Variants in WDR26 observed in about 807,000 individuals in gnomAD.
The protein encoded by WDR26 is WD repeat domain 26.
WDR26 carries 5 observed loss-of-function variants against 84.1 expected under a neutral mutation model. The observed-to-expected ratio is 0.06, with a 90% CI of 0.03 to 0.13. WDR26 has a LOEUF of 0.13. WDR26 is among the 10% of genes least tolerant of loss of function. The pLI, the probability that WDR26 is intolerant of heterozygous loss-of-function variation, is 1.00. For missense variants in WDR26, 642 were observed against 974.9 expected (o/e 0.66, Z 4.55); for synonymous variants, 415 against 389.6 (o/e 1.07, Z -0.77).
intron 6 of WDR26, among the ~76,000 whole-genome samples, chr1:224,416,522 A>C (rs978241969): frequency 8.5e-5 from 13 of 152,150 alleles, no homozygotes; most frequent in African/African-American, 3.1e-4. Context: ...CACCACACCC[A>C]GCCTGGACTG....
At chr1:224,419,222 G>C (rs1461321279) in intron 5 of WDR26, among the ~76,000 whole-genome samples, 1 of 152,052 alleles carries the variant, frequency 6.6e-6, no homozygotes, top group Non-Finnish European at 1.5e-5. Context: ...TTAAAACTGT[G>C]GTTTACATAT....
intron 3 of WDR26, 143 bp downstream of exon 3, chr1:224,431,334 C>T: frequency 1.5e-6 from 1 of 668,416 alleles, no homozygotes; most frequent in East Asian, 2.8e-5. Flanking sequence ...TACTTTAAAA[C>T]ATTATACTCA....
intron 3 of WDR26, chr1:224,430,492 A>G (rs1469011571): frequency 6.6e-6 from 1 of 152,158 alleles, no homozygotes; most frequent in Non-Finnish European, 1.5e-5. Context: ...ACTCTTTTGT[A>G]ATAAGATTTC....
intron 3 of WDR26, among the ~76,000 whole-genome samples, chr1:224,428,007 A>G (rs1357095501): frequency 2.0e-5 from 3 of 152,094 alleles, no homozygotes; most frequent in South Asian, 2.1e-4. Flanking sequence ...TCTTTCCCCA[A>G]CTCCCAACTA....
chr1:224,407,170 A>ATATATATATATATG (rs1421408562), intron 7 of WDR26, among the ~76,000 whole-genome samples: 3 of 116,962 alleles, frequency 2.6e-5, no homozygotes, highest in Admixed American at 9.1e-5. Flanking sequence ...ATATATATAT[A>ATATATATATATATG]TAACTCAAAA....
chr1:224,391,602 C>T (rs1450328481), intron 13 of WDR26, among the ~76,000 whole-genome samples: 5 of 152,150 alleles, frequency 3.3e-5, no homozygotes, highest in Admixed American at 1.3e-4. Context: ...TCATAGCTCA[C>T]TGAAGCCTCA....
intron 3 of WDR26, among the ~76,000 whole-genome samples, chr1:224,426,259 C>T (rs1332820869): frequency 6.6e-6 from 1 of 152,136 alleles, no homozygotes; most frequent in African/African-American, 2.4e-5. Flanking sequence ...ATAAACTGCT[C>T]TACAAGATTT....
chr1:224,400,027 T>C (rs1156312577), intron 9 of WDR26, among the ~76,000 whole-genome samples: 1 of 152,152 alleles, frequency 6.6e-6, no homozygotes, highest in Non-Finnish European at 1.5e-5. Context: ...TGTGAGTCTG[T>C]AATATGAGAC....
At chr1:224,404,659 C>A in intron 7 of WDR26, 89 bp from the exon 8 acceptor site, 1 of 1,462,674 alleles carries the variant, frequency 6.8e-7, no homozygotes, top group Non-Finnish European at 9.2e-7. Context: ...CAAAGATGTA[C>A]TTTGATAATT....
chr1:224,419,424 GT>G (rs1673993250), intron 5 of WDR26, 93 bp downstream of exon 5: 1 of 955,626 alleles, frequency 1.0e-6, no homozygotes, highest in African/African-American at 1.6e-5. Context: ...ATAAAAGTAT[GT>G]CCAGATATTC....
intron 7 of WDR26, among the ~76,000 whole-genome samples, chr1:224,410,210 G>C (rs995649416): frequency 6.7e-6 from 1 of 150,018 alleles, no homozygotes; most frequent in Admixed American, 6.7e-5. Context: ...GAACCCAGGA[G>C]GTGGAGGTTG....
intron 7 of WDR26, among the ~76,000 whole-genome samples, chr1:224,410,199 T>C (rs1673695250): frequency 1.3e-5 from 2 of 148,676 alleles, no homozygotes; most frequent in African/African-American, 5.0e-5. Context: ...GAGAATCCCT[T>C]GAACCCAGGA....
intron 3 of WDR26, chr1:224,424,869 T>C (rs888236464): frequency 8.2e-6 from 5 of 607,892 alleles, no homozygotes; most frequent in Non-Finnish European, 1.4e-5. Flanking sequence ...AACTCTGCTT[T>C]GAACAAATAA....
intron 9 of WDR26, among the ~76,000 whole-genome samples, chr1:224,399,836 G>A (rs988956648): frequency 6.6e-6 from 1 of 152,154 alleles, no homozygotes; most frequent in African/African-American, 2.4e-5. Flanking sequence ...GTCGGGTGTG[G>A]TAGCTCATGC....
rs890563235 is a variant in WDR26, at chr1:224,389,711, G to A, written c.*124C>T. ...TTGGCCCCAATCGGGCTTCAGAAAT[G>A]GTTCTTTTTTCATGACGAGCATGTC... On this transcript the variant is annotated 3_prime_UTR_variant, in exon 14 of 14. Transcript: ENST00000414423. 1.9e-6 allele frequency: 2 copies of A among 1,041,382 alleles called. No homozygotes were observed. Among genetic ancestry groups the A allele is most frequent in the African/African-American group, 1.6e-5 (1 of 62,558 alleles). 64.5% of individuals were successfully genotyped at this position (1,041,382 alleles called of 1,614,324 possible).
At chr1:224,433,622 A>ACCCCCCCCCCCCCC in intron 1 of WDR26, 62 bp downstream of exon 1, 1 of 852,360 alleles carries the variant, frequency 1.2e-6, no homozygotes, top group Non-Finnish European at 1.4e-6. Context: ...CCCTTCCCCT[A>ACCCCCCCCCCCCCC]CCCCCCTGGA....
Position 224,433,923 on chromosome 1 carries a change from A to T in WDR26, c.483T>A (p.Pro161=). The change falls in exon 1 of 14, where the codon CCT becomes CCA. Residue 161 remains proline, a synonymous_variant. Coordinates refer to ENST00000414423, the MANE Select transcript of WDR26 (RefSeq NM_001379403.1). ...TGTTGCTGGCGGCGGAGGGGGCGGA[A>T]GGCAGGAGCCCATTGGCGTGGGCCA... The T allele has an allele frequency of 6.5e-7, 1 of 1,536,252 alleles. No homozygotes were observed. Among genetic ancestry groups the T allele is most frequent in the Non-Finnish European group, 8.7e-7 (1 of 1,146,570 alleles).
chr1:224,401,035 T>C lies in WDR26; in HGVS notation c.1634A>G (p.His545Arg), dbSNP rs776957669. The C allele has an allele frequency of 6.2e-7, 1 of 1,614,084 alleles. No individual in the cohort carries two copies. Among genetic ancestry groups the C allele is most frequent in the Non-Finnish European group, 8.5e-7 (1 of 1,179,974 alleles). Residue 545 changes from histidine (H) to arginine (R), a missense_variant, in exon 9 of 14, where the codon CAT becomes CGT. This residue lies in a region of WDR26 where 351 missense variants were observed against 672.8 expected (regional missense o/e 0.52). Transcript: ENST00000414423. ...AGCCACACTTGTCAAACTGTCTTCA[T>C]GAGACTGGCTCATTTTTGTCCTTAG... is the stretch of plus-strand genomic sequence containing the variant.
At chr1:224,433,605 C>T (rs1020661205) in intron 1 of WDR26, 79 bp downstream of exon 1, 5 of 621,902 alleles carry the variant, frequency 8.0e-6, no homozygotes, top group African/African-American at 1.9e-5. Flanking sequence ...CCCCCTCCCC[C>T]CTCCGCCCCT....
Sources: gnomAD v4.1 joint callset for allele counts (sites outside exome capture counted in the v4.1 genomes callset) on GRCh38, gnomAD v4.1.1 for gene constraint, gnomAD v4.1.1 regional missense constraint, MANE v1.5 for transcripts, NCBI Gene and HGNC (gene_info 2026-07-23, HGNC 2026-07-21) for gene names.